Variants in ITK observed in about 807,000 individuals in gnomAD.
The protein encoded by ITK is IL2 inducible T cell kinase, also known as tyrosine-protein kinase ITK/TSK.
ITK carries 45 observed loss-of-function variants against 87.6 expected under a neutral mutation model. The ratio of observed to expected loss-of-function variants is 0.51; its 90% CI spans 0.40 to 0.66. The LOEUF is 0.66. Ranked by LOEUF, ITK falls within the 30% of genes least tolerant of loss-of-function variation. ITK has a pLI of 0.00. For synonymous variants in ITK, 303 were observed against 273.6 expected, an observed-to-expected ratio of 1.11 and a Z score of -1.06; for missense variants, 605 against 766.3, an observed-to-expected ratio of 0.79 and a Z score of 2.48.
intron 7 of ITK, among the ~76,000 whole-genome samples, chr5:157,228,586 A>T (rs1335388159): frequency 6.6e-6 from 1 of 152,214 alleles, no homozygotes; most frequent in African/African-American, 2.4e-5. Context: ...AGGAACTTGG[A>T]ACATCTTTTT....
In ITK at chr5:157,218,932, C is replaced by T. The variant is rs1754356614; in HGVS notation, c.495+1025C>T. ...GCCCAGGAATCTGCATTTTAATAAGCCTCCTCACTGATCTATAATATACTG... is the reference window on the plus strand; with the variant it reads ...GCCCAGGAATCTGCATTTTAATAAGTCTCCTCACTGATCTATAATATACTG... On this transcript the variant is annotated intron_variant, in intron 5 of 16. Coordinates refer to ENST00000422843, the MANE Select transcript of ITK (RefSeq NM_005546.4). Among the ~76,000 whole-genome samples the T allele has an allele frequency of 2.0e-5, 3 of 151,982 alleles. No homozygotes were observed. The South Asian group carries it at 6.2e-4, about 32-fold the overall frequency.
chr5:157,240,463 G>C, intron 10 of ITK: 1 of 507,316 alleles, frequency 2.0e-6, no homozygotes, highest in Non-Finnish European at 3.6e-6. Context: ...CTTCCACAAA[G>C]CCGATCCCTG....
chr5:157,213,213 C>G (rs1170927471), intron 3 of ITK, among the ~76,000 whole-genome samples: 1 of 152,176 alleles, frequency 6.6e-6, no homozygotes, highest in East Asian at 1.9e-4. Context: ...GAAGGAGGAA[C>G]TTGCCAAATA....
In ITK at chr5:157,244,743, C is replaced by T. The variant is rs986761150; in HGVS notation, c.1449+265C>T. 4.3e-5 allele frequency: 19 copies of T among 442,982 alleles called. No individual in the cohort carries two copies. In the East Asian group the frequency reaches 8.7e-4, roughly 20 times the overall value. The allele number at this position is 442,982 out of a possible 1,614,324, so 27.4% of individuals were successfully genotyped here. On this transcript the variant is annotated intron_variant, in intron 13 of 16. Transcript: ENST00000422843. ...AAAATGGAGATAACTGCCACTCCTT[C>T]TTAACCTCTCTGTGACTCAATTTCC...
intron 6 of ITK, among the ~76,000 whole-genome samples, chr5:157,225,804 A>G (rs745552456): frequency 3.3e-5 from 5 of 152,232 alleles, no homozygotes; most frequent in African/African-American, 4.8e-5. Flanking sequence ...GACTGTCTAC[A>G]GGGTCTACAA....
intron 8 of ITK, among the ~76,000 whole-genome samples, chr5:157,232,939 G>A (rs1754689181): frequency 6.6e-6 from 1 of 152,204 alleles, no homozygotes; most frequent in African/African-American, 2.4e-5. Flanking sequence ...TCAGCTGTGA[G>A]TCCAGAGGAA....
At chr5:157,249,294 T>C (rs1005333213) in intron 16 of ITK, among the ~76,000 whole-genome samples, 2 of 152,256 alleles carry the variant, frequency 1.3e-5, no homozygotes, top group African/African-American at 4.8e-5. Flanking sequence ...TTCTCGATTT[T>C]CTGAGAAGAG....
chr5:157,185,386 G>A (rs564931472), intron 1 of ITK, among the ~76,000 whole-genome samples: 13 of 152,004 alleles, frequency 8.6e-5, no homozygotes, highest in Admixed American at 3.3e-4. Flanking sequence ...CTACGGGTGC[G>A]CGCCATCATG....
chr5:157,219,021 A>T (rs541335806), intron 5 of ITK, among the ~76,000 whole-genome samples: 7 of 152,136 alleles, frequency 4.6e-5, no homozygotes, highest in Non-Finnish European at 8.8e-5. Flanking sequence ...AGGAGATGAA[A>T]AAAAAAAGAT....
rs553173403 is a variant in ITK at position 157,227,582 on chromosome 5, C to T, written c.648-714C>T. Among the ~76,000 whole-genome samples the T allele has an allele frequency of 2.0e-5, 3 of 152,024 alleles. No homozygotes were observed. The East Asian group carries it at 5.8e-4, about 29-fold the overall frequency. ...TATTTTAATTATTTTGGTTTCCTGA[C>T]TATAAAATGATAGTACTAAAGTGGA... On this transcript the variant is annotated intron_variant, in intron 6 of 16. Coordinates refer to ENST00000422843, the MANE Select transcript of ITK (RefSeq NM_005546.4).
intron 1 of ITK, among the ~76,000 whole-genome samples, chr5:157,191,310 T>A (rs1166881525): frequency 6.6e-6 from 1 of 152,068 alleles, no homozygotes. Flanking sequence ...CATGTTTTGA[T>A]GGGAAAGTGC....
chr5:157,206,685 T>C (rs930841684), intron 1 of ITK, among the ~76,000 whole-genome samples: 28 of 152,214 alleles, frequency 1.8e-4, no homozygotes, highest in Non-Finnish European at 3.5e-4. Context: ...GAGGTGTTCA[T>C]AGTAGTCTCT....
At chr5:157,232,246 A>C in intron 7 of ITK, 94 bp from the exon 8 acceptor site, 1 of 898,944 alleles carries the variant, frequency 1.1e-6, no homozygotes, top group Non-Finnish European at 1.8e-6. Flanking sequence ...GTAGAAATAG[A>C]AAATGACCAT....
intron 1 of ITK, among the ~76,000 whole-genome samples, chr5:157,191,719 A>C (rs1298035281): frequency 6.6e-6 from 1 of 152,188 alleles, no homozygotes; most frequent in East Asian, 1.9e-4. Context: ...GAGTCAGTTC[A>C]TTGCAAGAAC....
chr5:157,247,570 C>T (rs1220852022), intron 15 of ITK, among the ~76,000 whole-genome samples: 1 of 152,140 alleles, frequency 6.6e-6, no homozygotes, highest in Non-Finnish European at 1.5e-5. Context: ...TTTCCTGGGG[C>T]ATATTACCAT....
At chr5:157,192,927 G>A (rs1043193408) in intron 1 of ITK, among the ~76,000 whole-genome samples, 11 of 152,138 alleles carry the variant, frequency 7.2e-5, no homozygotes, top group African/African-American at 2.2e-4. Context: ...GACTCTTCCA[G>A]TTCAAAAACA....
intron 4 of ITK, among the ~76,000 whole-genome samples, chr5:157,217,609 C>T (rs964019989): frequency 1.3e-5 from 2 of 152,026 alleles, no homozygotes; most frequent in Non-Finnish European, 2.9e-5. Context: ...AAAGAGAGGG[C>T]CCCCGAATAT....
intron 9 of ITK, among the ~76,000 whole-genome samples, chr5:157,239,562 T>G (rs1181906440): frequency 1.3e-5 from 2 of 152,040 alleles, no homozygotes; most frequent in Non-Finnish European, 2.9e-5. Context: ...CCCTTATCAG[T>G]TAGGGAAAGA....
At chr5:157,203,363 T>C (rs1754013340) in intron 1 of ITK, among the ~76,000 whole-genome samples, 5 of 152,224 alleles carry the variant, frequency 3.3e-5, no homozygotes, top group Admixed American at 3.3e-4. Context: ...TGACACCCTT[T>C]GTTTTGAGCT....
Sources: gnomAD v4.1 joint callset for allele counts (sites outside exome capture counted in the v4.1 genomes callset) on GRCh38, gnomAD v4.1.1 for gene constraint, MANE v1.5 for transcripts, NCBI Gene and HGNC (gene_info 2026-07-23, HGNC 2026-07-21) for gene names.